Variants in CWF19L2 observed in about 807,000 individuals in gnomAD.
CWF19L2 encodes CWF19-like protein 2.
Under a neutral mutation model 111.7 loss-of-function variants are expected in CWF19L2, and 98 were observed. That is an observed-to-expected ratio of 0.88 (90% CI 0.75 to 1.04). The LOEUF is 1.04. CWF19L2 is among the 50% of genes least tolerant of loss of function. CWF19L2 has a pLI of 0.00. For synonymous variants in CWF19L2, 351 were observed against 342.9 expected, an observed-to-expected ratio of 1.02 and a Z score of -0.26; for missense variants, 1,101 against 1,051.4, an observed-to-expected ratio of 1.05 and a Z score of -0.65.
Position 107,400,336 on chromosome 11 carries a change from G to A in CWF19L2, c.1618-7441C>T, listed in dbSNP as rs1860982884. On this transcript the variant is annotated intron_variant, in intron 10 of 17. Coordinates refer to ENST00000282251, the MANE Select transcript of CWF19L2 (RefSeq NM_152434.3). ...ATACACTATTAGCAATATTAACCAA[G>A]AAGAGAGAAAATCCAAATAACCTTA... Among the ~76,000 whole-genome samples the A allele has an allele frequency of 2.0e-5, 3 of 151,726 alleles. No homozygotes were observed. The South Asian group carries it at 6.3e-4, about 32-fold the overall frequency.
chr11:107,420,715 G>A (rs1466067718), intron 8 of CWF19L2, among the ~76,000 whole-genome samples: 1 of 151,962 alleles, frequency 6.6e-6, no homozygotes, highest in Non-Finnish European at 1.5e-5. Context: ...ATAAGGTATA[G>A]TAAGACACTA....
At chr11:107,342,676 C>T (rs534141863) in intron 14 of CWF19L2, among the ~76,000 whole-genome samples, 1 of 152,224 alleles carries the variant, frequency 6.6e-6, no homozygotes, top group East Asian at 1.9e-4. Flanking sequence ...AGCAGGCTGA[C>T]TAATGGCCCC....
chr11:107,385,566 A>G (rs974336122), intron 12 of CWF19L2, among the ~76,000 whole-genome samples: 1 of 152,250 alleles, frequency 6.6e-6, no homozygotes. Flanking sequence ...CAAATCAGCT[A>G]ATATTAAATA....
chr11:107,349,136 T>C (rs1860122967), intron 13 of CWF19L2, 83 bp from the exon 14 acceptor site: 1 of 557,904 alleles, frequency 1.8e-6, no homozygotes, highest in Admixed American at 3.6e-5. Context: ...TTATTCTCAG[T>C]TGTAACAGAT....
intron 12 of CWF19L2, among the ~76,000 whole-genome samples, chr11:107,375,321 T>C (rs1860582091): frequency 7.4e-6 from 1 of 135,514 alleles, no homozygotes; most frequent in Non-Finnish European, 1.6e-5. Flanking sequence ...AATATACATT[T>C]TTTTCAGCAC....
At chr11:107,389,007 A>G (rs1860810893) in intron 12 of CWF19L2, among the ~76,000 whole-genome samples, 1 of 152,238 alleles carries the variant, frequency 6.6e-6, no homozygotes, top group African/African-American at 2.4e-5. Context: ...CTCTTCCCCA[A>G]CACAACATAC....
intron 3 of CWF19L2, among the ~76,000 whole-genome samples, chr11:107,443,493 T>A (rs1861661063): frequency 6.6e-6 from 1 of 152,082 alleles, no homozygotes; most frequent in Non-Finnish European, 1.5e-5. Context: ...AAAAAAATTT[T>A]TTTAAAGAAA....
rs1330655741 is a variant in CWF19L2 at position 107,371,250 on chromosome 11, G to A, written c.1873-17514C>T. On this transcript the variant is annotated intron_variant, in intron 12 of 17. Transcript: ENST00000282251. ...GACCTCCTGACCTCGTGATCTGCCC[G>A]CCTCGGCCTCCCAAAGTGCTGGGAT... 8.1e-5 allele frequency among the ~76,000 whole-genome samples: 11 copies of A among 136,566 alleles called. 2 individuals carry two copies. The highest frequency in any genetic ancestry group is 2.5e-4 in the South Asian group (1 of 4,044). The allele number at this position is 136,566 out of a possible 152,430, so 89.6% of individuals were successfully genotyped here.
chr11:107,418,827 G>A (rs1031113898), intron 8 of CWF19L2, among the ~76,000 whole-genome samples: 2 of 152,072 alleles, frequency 1.3e-5, no homozygotes, highest in South Asian at 4.1e-4. Flanking sequence ...CTATACTATG[G>A]AAGCCTCACA....
At chr11:107,352,463 G>A (rs1860169487) in intron 13 of CWF19L2, among the ~76,000 whole-genome samples, 1 of 152,080 alleles carries the variant, frequency 6.6e-6, no homozygotes, top group Non-Finnish European at 1.5e-5. Flanking sequence ...GAATTACCAA[G>A]CAGTTTTTTG....
At chr11:107,329,151 T>C (rs1294029629) in intron 17 of CWF19L2, among the ~76,000 whole-genome samples, 1 of 152,158 alleles carries the variant, frequency 6.6e-6, no homozygotes, top group East Asian at 1.9e-4. Context: ...GCCTGATCTA[T>C]ACTAGATTAA....
At chr11:107,375,615 C>G (rs915099507) in intron 12 of CWF19L2, among the ~76,000 whole-genome samples, 2 of 132,916 alleles carry the variant, frequency 1.5e-5, no homozygotes, top group African/African-American at 5.9e-5. Flanking sequence ...GGGACGCATT[C>G]AAAGCAGTGT....
chr11:107,358,756 A>C (rs1401521600), intron 12 of CWF19L2, among the ~76,000 whole-genome samples: 1 of 152,206 alleles, frequency 6.6e-6, no homozygotes, highest in African/African-American at 2.4e-5. Flanking sequence ...AACTTTAACC[A>C]TGAGAGTAAC....
At chr11:107,417,512 T>C (rs866820680) in intron 9 of CWF19L2, among the ~76,000 whole-genome samples, 2 of 152,204 alleles carry the variant, frequency 1.3e-5, no homozygotes, top group Non-Finnish European at 2.9e-5. Context: ...TTTAGGTTCC[T>C]AAGTAATTTG....
intron 12 of CWF19L2, among the ~76,000 whole-genome samples, chr11:107,367,729 A>G (rs867605368): frequency 9.7e-6 from 1 of 102,988 alleles, no homozygotes; most frequent in African/African-American, 3.7e-5. Flanking sequence ...CTAATGCTAG[A>G]TGACGAGTTA....
At chr11:107,432,708 A>G (rs1861481484) in intron 7 of CWF19L2, among the ~76,000 whole-genome samples, 1 of 152,260 alleles carries the variant, frequency 6.6e-6, no homozygotes, top group South Asian at 2.1e-4. Context: ...AAATTATGTG[A>G]TAAAAGAGAT....
chr11:107,348,917 T>C lies in CWF19L2; in HGVS notation c.2202+20A>G, dbSNP rs754779455. ...TTGCTCATGAGTTTTAAAATGATAA[T>C]GAACATTTATTATGCTGACCTGGAT... On this transcript the variant is annotated intron_variant, in intron 14 of 17. Transcript: ENST00000282251. The C allele has an allele frequency of 5.7e-6, 8 of 1,396,164 alleles. No homozygotes were observed. The highest frequency in any genetic ancestry group is 1.4e-5 in the African/African-American group (1 of 69,630). The allele number at this position is 1,396,164 out of a possible 1,614,324, so 86.5% of individuals were successfully genotyped here.
At chr11:107,357,221 T>C (rs1860251520) in intron 12 of CWF19L2, among the ~76,000 whole-genome samples, 1 of 152,040 alleles carries the variant, frequency 6.6e-6, no homozygotes, top group African/African-American at 2.4e-5. Flanking sequence ...AAGAAATCAA[T>C]GTTTGAAACA....
At chr11:107,437,469 T>C (rs755428347) in intron 6 of CWF19L2, among the ~76,000 whole-genome samples, 6 of 152,176 alleles carry the variant, frequency 3.9e-5, no homozygotes, top group East Asian at 1.9e-4. Context: ...TCGGTCTAAA[T>C]AGAATGACAA....
Sources: allele counts gnomAD v4.1 joint callset (sites outside exome capture counted in the v4.1 genomes callset), GRCh38; gene constraint gnomAD v4.1.1; transcripts MANE v1.5; gene names NCBI Gene and HGNC (gene_info 2026-07-23, HGNC 2026-07-21).